The following SCN7A variants were observed in gnomAD, a reference collection of about 807,000 sequenced individuals.
SCN7A encodes the protein sodium voltage-gated channel alpha subunit 7, also known as sodium channel protein type 7 subunit alpha.
Under a neutral mutation model 155.2 loss-of-function variants are expected in SCN7A, and 138 were observed. The observed-to-expected ratio is 0.89, with a 90% CI of 0.77 to 1.02. SCN7A has a LOEUF of 1.02. Among genes scored for constraint, SCN7A ranks in the 50% least tolerant of loss-of-function variants. The pLI is 0.00. For synonymous variants in SCN7A, 693 were observed against 649.0 expected (o/e 1.07, Z -1.03); for missense variants, 2,058 against 1,986.6 (o/e 1.04, Z -0.68).
chr2:166,422,274 T>G (rs1371642291), intron 19 of SCN7A, among the ~76,000 whole-genome samples: 1 of 152,042 alleles, frequency 6.6e-6, no homozygotes, highest in African/African-American at 2.4e-5. Context: ...TCTAGGCACA[T>G]GACTTAAAGG....
chr2:166,477,777 C>A, intron 2 of SCN7A, 67 bp from the exon 3 acceptor site: 1 of 985,452 alleles, frequency 1.0e-6, no homozygotes, highest in Non-Finnish European at 1.4e-6. Flanking sequence ...GATTAGGATA[C>A]GAAAAATAGA....
At chr2:166,462,342 G>A in intron 10 of SCN7A, 47 bp downstream of exon 10, 2 of 1,521,804 alleles carry the variant, frequency 1.3e-6, no homozygotes, top group South Asian at 1.3e-5. Context: ...TAGAAGCAAG[G>A]GCATGGTGCC....
In SCN7A at chr2:166,437,644, C is replaced by T. The variant is rs79345880; in HGVS notation, c.2157+3752G>A. On this transcript the variant is annotated intron_variant, in intron 15 of 25. Transcript: ENST00000643258. ...CCTGTGAAGGCAGCTGGGATCGGGG[C>T]TGTACCCTACAAAGACACAGGGATG... Among the ~76,000 whole-genome samples the T allele has an allele frequency of 5.1e-3, 784 of 152,286 alleles. 42 individuals carry two copies. In the East Asian group the frequency reaches 0.12, roughly 23 times the overall value.
intron 25 of SCN7A, among the ~76,000 whole-genome samples, chr2:166,409,459 A>C (rs1410605801): frequency 2.6e-5 from 4 of 151,914 alleles, no homozygotes; most frequent in African/African-American, 9.7e-5. Flanking sequence ...TGAACATCTT[A>C]TCTCTATTAG....
At chr2:166,464,655 C>T (rs1702488021) in intron 9 of SCN7A, among the ~76,000 whole-genome samples, 1 of 152,190 alleles carries the variant, frequency 6.6e-6, no homozygotes, top group African/African-American at 2.4e-5. Flanking sequence ...TTCAATGTTG[C>T]CCAGGTTGGC....
chr2:166,431,317 T>C (rs567173839), intron 16 of SCN7A, among the ~76,000 whole-genome samples: 2 of 152,254 alleles, frequency 1.3e-5, no homozygotes, highest in South Asian at 4.1e-4. Context: ...ATGGCTTTAG[T>C]AGGTGATGGA....
In SCN7A at chr2:166,435,648, C is replaced by T. The variant is rs1039113967; in HGVS notation, c.2158-2896G>A. On this transcript the variant is annotated intron_variant, in intron 15 of 25. Coordinates refer to ENST00000643258, the MANE Select transcript of SCN7A (RefSeq NM_002976.4). ...TGAAGGAATTTAACATGTATTGAGG[C>T]TATTTAATTTTAAATTTCTTGAGTT... Among the ~76,000 whole-genome samples the T allele has an allele frequency of 3.3e-5, 5 of 152,020 alleles. No individual in the cohort carries two copies. The East Asian group carries it at 9.7e-4, about 29-fold the overall frequency.
chr2:166,482,630 G>A (rs1702954707), intron 2 of SCN7A, among the ~76,000 whole-genome samples: 1 of 151,866 alleles, frequency 6.6e-6, no homozygotes, highest in South Asian at 2.1e-4. Flanking sequence ...TACTGATTCT[G>A]TCATCCAACC....
intron 3 of SCN7A, among the ~76,000 whole-genome samples, chr2:166,476,350 T>C (rs1575062763): frequency 6.6e-6 from 1 of 152,024 alleles, no homozygotes; most frequent in South Asian, 2.1e-4. Flanking sequence ...GATAATATCA[T>C]TGAATGCTCT....
intron 21 of SCN7A, 80 bp downstream of exon 21, chr2:166,416,627 G>A (rs749249317): frequency 2.4e-5 from 28 of 1,183,264 alleles, no homozygotes; most frequent in African/African-American, 4.7e-5. Flanking sequence ...TGTATTAATC[G>A]CCCACATTTT....
At chr2:166,493,012 T>A (rs2105551769) in intron 1 of SCN7A, among the ~76,000 whole-genome samples, 1 of 152,332 alleles carries the variant, frequency 6.6e-6, no homozygotes, top group East Asian at 1.9e-4. Context: ...CTCAGCAAAT[T>A]ACTCCTTATA....
At chr2:166,469,870 G>A (rs1029167555) in intron 7 of SCN7A, among the ~76,000 whole-genome samples, 7 of 152,048 alleles carry the variant, frequency 4.6e-5, no homozygotes, top group Admixed American at 3.3e-4. Context: ...TGTGTACAAT[G>A]TGGTCTTCTT....
intron 1 of SCN7A, among the ~76,000 whole-genome samples, chr2:166,490,737 C>T (rs1288905593): frequency 6.6e-6 from 1 of 152,154 alleles, no homozygotes; most frequent in South Asian, 2.1e-4. Context: ...TTAGAACTGG[C>T]TATTTACCTC....
At chr2:166,465,067 C>T (rs181241830) in intron 9 of SCN7A, among the ~76,000 whole-genome samples, 1 of 152,238 alleles carries the variant, frequency 6.6e-6, no homozygotes, top group East Asian at 1.9e-4. Flanking sequence ...GATTAGGTCA[C>T]GAGGGTGAAG....
At position 166,456,927 on chromosome 2, in the gene SCN7A, A is replaced by T; in HGVS notation, c.1233T>A (p.Ile411=). 2 of 1,566,706 alleles carry T rather than the reference A, an allele frequency of 1.3e-6. No homozygotes were observed. Among genetic ancestry groups the T allele is most frequent in the Non-Finnish European group, 1.7e-6 (2 of 1,155,054 alleles). ...KQRVGEISKK[I]EPKFQQTGKE... Reference sequence around the variant, plus strand: ...TTCCAGTCTGTTGAAATTTTGGTTCAATCTTCTTAGATATTTCACCAACTC... The same window carrying T: ...TTCCAGTCTGTTGAAATTTTGGTTCTATCTTCTTAGATATTTCACCAACTC... The change falls in exon 11 of 26, where the codon ATT becomes ATA. Residue 411 remains isoleucine (I), a synonymous_variant. Transcript: ENST00000643258.
chr2:166,423,354 T>C lies in SCN7A; in HGVS notation c.2932A>G (p.Ile978Val), dbSNP rs771400699. 6.2e-6 allele frequency: 10 copies of C among 1,612,080 alleles called. No individual in the cohort carries two copies. The highest frequency in any genetic ancestry group is 1.7e-4 in the Middle Eastern group (1 of 6,040). ...TTTAGAAGCATTTCCAGAATGAAGA[T>C]ATAAGTAAAGATCATGTCAGCATAT... ...LEYADMIFTYIFILEMLLKWM... is the reference protein window; with the variant it reads ...LEYADMIFTYVFILEMLLKWM... The change falls in exon 19 of 26, where the codon ATC becomes GTC. Residue 978 changes from isoleucine to valine, a missense_variant. Transcript: ENST00000643258.
chr2:166,476,924 C>G (rs1422793117), intron 3 of SCN7A, among the ~76,000 whole-genome samples: 1 of 151,842 alleles, frequency 6.6e-6, no homozygotes, highest in African/African-American at 2.4e-5. Flanking sequence ...TTTCTAAATG[C>G]AATTATTTTT....
At chr2:166,472,803 T>C (rs550587587) in intron 5 of SCN7A, among the ~76,000 whole-genome samples, 1 of 152,082 alleles carries the variant, frequency 6.6e-6, no homozygotes, top group Non-Finnish European at 1.5e-5. Context: ...CCTCCAGCTT[T>C]GTTTTTTTTG....
chr2:166,442,409 G>C (rs1028975993), intron 14 of SCN7A, among the ~76,000 whole-genome samples: 1 of 150,422 alleles, frequency 6.6e-6, no homozygotes, highest in African/African-American at 2.4e-5. Flanking sequence ...TTGTTTGTTT[G>C]ACAGAGTCTC....
Sources: gnomAD v4.1 joint callset for allele counts (sites outside exome capture counted in the v4.1 genomes callset) on GRCh38, gnomAD v4.1.1 for gene constraint, MANE v1.5 for transcripts, NCBI Gene and HGNC (gene_info 2026-07-23, HGNC 2026-07-21) for gene names.